The following CABLES2 variants were observed in gnomAD, a reference collection of about 807,000 sequenced individuals.
CABLES2 encodes CDK5 and ABL1 enzyme substrate 2.
A neutral mutation model predicts 44.8 loss-of-function variants in CABLES2; 35 were observed. The observed-to-expected ratio is 0.78, with a 90% confidence interval of 0.60 to 1.04. The LOEUF (loss-of-function observed/expected upper bound fraction) is 1.04, where lower values mean the gene tolerates loss of function less well. Among genes scored for constraint, CABLES2 ranks in the 50% least tolerant of loss-of-function variants. The pLI is 0.00. For missense variants in CABLES2, 566 were observed against 615.7 expected (o/e 0.92, Z 0.85); for synonymous variants, 282 against 281.1 (o/e 1.00, Z -0.03).
rs750044349 is a variant in CABLES2, at chr20:62,392,440, G to C, written c.1040C>G (p.Thr347Ser). ...GACATGGGGGAACTTCTCCCTGAAG[G>C]TCTCGTTCATGTCCTTTTTGAGGTC... ...PSDLKKDMNETFREKFPHVKL... is the reference protein window; with the variant it reads ...PSDLKKDMNESFREKFPHVKL... The change falls in exon 8 of 10, where the codon ACC becomes AGC. Residue 347 changes from threonine to serine, a missense_variant. By Grantham distance (58) the Thr-to-Ser change is moderately conservative (BLOSUM62 1). This residue lies in a region of CABLES2 where 436 missense variants were observed against 536.3 expected (regional missense o/e 0.81). Coordinates refer to ENST00000279101, the MANE Select transcript of CABLES2 (RefSeq NM_031215.3). The C allele has an allele frequency of 6.2e-7, 1 of 1,614,056 alleles. No individual in the cohort carries two copies. The highest frequency in any genetic ancestry group is 1.1e-5 in the South Asian group (1 of 91,084).
intron 1 of CABLES2, chr20:62,403,706 C>T (rs1988230807): frequency 6.6e-6 from 1 of 152,276 alleles, no homozygotes; most frequent in African/African-American, 2.4e-5. Flanking sequence ...AGAGTTCCCA[C>T]TTGCTTTTGG....
Position 62,396,494 on chromosome 20 carries a change from G to C in CABLES2, c.434+27C>G. 1 of 1,613,436 alleles carries C rather than the reference G, an allele frequency of 6.2e-7. No homozygotes were observed. The highest frequency in any genetic ancestry group is 1.3e-5 in the African/African-American group (1 of 75,014). ...CAGTGGCAGCCCGAGCGGAGTCGTAGAGCTCGGGGCGGACGGGGGCGTGTA... is the reference window on the plus strand; with the variant it reads ...CAGTGGCAGCCCGAGCGGAGTCGTACAGCTCGGGGCGGACGGGGGCGTGTA... On this transcript the variant is annotated intron_variant, in intron 2 of 9. Transcript: ENST00000279101. This position sits in a 1 kb window ranked among gnomAD's most constrained non-coding sequence, Gnocchi z 5.7.
chr20:62,401,471 C>T (rs2146428017), intron 1 of CABLES2, among the ~76,000 whole-genome samples: 1 of 152,340 alleles, frequency 6.6e-6, no homozygotes, highest in African/African-American at 2.4e-5. Context: ...TGCTTGGTGC[C>T]TCTGGAGGAT....
Position 62,392,469 on chromosome 20 carries a change from G to T in CABLES2, c.1011C>A (p.Pro337=), listed in dbSNP as rs143762219. The T allele has an allele frequency of 1.2e-6, 2 of 1,614,088 alleles. No individual in the cohort carries two copies. The highest frequency in any genetic ancestry group is 1.7e-6 in the Non-Finnish European group (2 of 1,179,972). Residue 337 remains proline (P), a synonymous_variant, in exon 8 of 10, where the codon CCC becomes CCA. Coordinates refer to ENST00000279101, the MANE Select transcript of CABLES2 (RefSeq NM_031215.3). ...CGTTCATGTCCTTTTTGAGGTCTGAGGGCTTCACGTATTCTATCACTGTGG... is the reference window on the plus strand; with the variant it reads ...CGTTCATGTCCTTTTTGAGGTCTGATGGCTTCACGTATTCTATCACTGTGG... ...YMTTVIEYVK[P]SDLKKDMNET...
At chr20:62,403,303 T>C (rs1988222877) in intron 1 of CABLES2, 1 of 152,218 alleles carries the variant, frequency 6.6e-6, no homozygotes, top group Admixed American at 6.5e-5. Flanking sequence ...TTAGTTGAAC[T>C]GTGTCGCCCC....
chr20:62,388,791 T>G lies in CABLES2; in HGVS notation c.*2180A>C. Reference sequence around the variant, plus strand: ...AAGCAACGCCAGGCCTGGTTCTGTATAGTCACAGCCGAGCTGAACACCTTA... The same window carrying G: ...AAGCAACGCCAGGCCTGGTTCTGTAGAGTCACAGCCGAGCTGAACACCTTA... On this transcript the variant is annotated 3_prime_UTR_variant, in exon 10 of 10. Coordinates refer to ENST00000279101, the MANE Select transcript of CABLES2 (RefSeq NM_031215.3). The G allele has an allele frequency of 2.4e-6, 1 of 415,712 alleles. No individual in the cohort carries two copies. 25.8% of individuals were successfully genotyped at this position (415,712 alleles called of 1,614,324 possible).
Position 62,396,360 on chromosome 20 carries a change from G to T in CABLES2, c.482C>A (p.Thr161Asn), listed in dbSNP as rs771723662. 1 of 1,613,898 alleles carries T rather than the reference G, an allele frequency of 6.2e-7. No individual in the cohort carries two copies. Among genetic ancestry groups the T allele is most frequent in the East Asian group, 2.2e-5 (1 of 44,852 alleles). The change falls in exon 3 of 10, where the codon ACC (threonine) becomes AAC (asparagine). Residue 161 changes from threonine to asparagine, a missense_variant. Around this residue, in one of 2 missense-constraint regions of CABLES2, gnomAD observed 436 missense variants for 536.3 expected, o/e 0.81. Coordinates refer to ENST00000279101, the MANE Select transcript of CABLES2 (RefSeq NM_031215.3). The surrounding 1 kb of genome is among the most constrained non-coding windows in gnomAD (Gnocchi z 5.7). Reference sequence around the variant, plus strand: ...CTGCCTCATGTTCTTGATGAAGTGGGTCTTCTTCAGGCCTTTATGTCTCGG... The same window carrying T: ...CTGCCTCATGTTCTTGATGAAGTGGTTCTTCTTCAGGCCTTTATGTCTCGG... ...GSPRHKGLKK[T>N]HFIKNMRQYD...
At chr20:62,398,196 A>ATGGTGGTGGTGG (rs796150959) in intron 1 of CABLES2, among the ~76,000 whole-genome samples, 1 of 68,320 alleles carries the variant, frequency 1.5e-5, no homozygotes, top group Admixed American at 1.5e-4. Context: ...GATGGTGATG[A>ATGGTGGTGGTGG]TGGTGGTGAT....
At chr20:62,394,075 CGTG>C (rs2146419747) in intron 5 of CABLES2, 79 bp downstream of exon 5, 1 of 1,039,988 alleles carries the variant, frequency 9.6e-7, no homozygotes, top group East Asian at 2.4e-5. Flanking sequence ...ACGTGTGCCT[CGTG>C]GGCACTGACG....
intron 1 of CABLES2, among the ~76,000 whole-genome samples, chr20:62,401,308 T>G (rs2146427911): frequency 6.6e-6 from 1 of 152,368 alleles, no homozygotes; most frequent in East Asian, 1.9e-4. Flanking sequence ...CCTTCCCCTC[T>G]GCCTCCACGG....
At chr20:62,395,277 A>G (rs1987996985) in intron 3 of CABLES2, among the ~76,000 whole-genome samples, 2 of 151,390 alleles carry the variant, frequency 1.3e-5, no homozygotes, top group African/African-American at 4.9e-5. Flanking sequence ...GCACGTGGGC[A>G]GGCACAGCAG....
intron 1 of CABLES2, chr20:62,402,203 G>A (rs74562317): frequency 0.085 from 12,954 of 152,306 alleles, 637 homozygotes; most frequent in South Asian, 0.23. Context: ...GGGCCACCAA[G>A]CCTCCATCCA....
chr20:62,398,817 G>T (rs533250200), intron 1 of CABLES2, among the ~76,000 whole-genome samples: 1 of 152,238 alleles, frequency 6.6e-6, no homozygotes, highest in Non-Finnish European at 1.5e-5. Flanking sequence ...ACCAACACTC[G>T]ACGGCTCACA....
Position 62,388,675 on chromosome 20 carries a change from A to G in CABLES2, c.*2296T>C, listed in dbSNP as rs1601469192. 6.7e-6 allele frequency: 4 copies of G among 598,180 alleles called. No individual in the cohort carries two copies. The Admixed American group carries it at 1.3e-4, about 19-fold the overall frequency. 37.1% of individuals were successfully genotyped at this position (598,180 alleles called of 1,614,324 possible). ...TAAAGGACAAATACATTATCCATTT[A>G]AAAACAGATATCTAAGACAAAATAA... On this transcript the variant is annotated 3_prime_UTR_variant, in exon 10 of 10. Coordinates refer to ENST00000279101, the MANE Select transcript of CABLES2 (RefSeq NM_031215.3).
chr20:62,394,529 G>T (rs1317354736), intron 4 of CABLES2, among the ~76,000 whole-genome samples: 1 of 152,178 alleles, frequency 6.6e-6, no homozygotes, highest in East Asian at 1.9e-4. Flanking sequence ...TAGCCCACTA[G>T]GTACATGTGC....
chr20:62,390,633 G>A lies in CABLES2; in HGVS notation c.*338C>T. The A allele has an allele frequency of 3.3e-6, 1 of 299,780 alleles. No individual in the cohort carries two copies. The highest frequency in any genetic ancestry group is 4.9e-5 in the South Asian group (1 of 20,470). 18.6% of individuals were successfully genotyped at this position (299,780 alleles called of 1,614,324 possible). A position where few individuals can be genotyped will look rare whatever the true frequency, so the allele number is the denominator to read the frequency against. ...GGCCAGGGGAGACACACTGCAGCCG[G>A]CTCGCTGCTGCACGCTGTGAACAAA... On this transcript the variant is annotated 3_prime_UTR_variant, in exon 10 of 10. Transcript: ENST00000279101.
rs1987879007 is a variant in CABLES2 at position 62,389,857 on chromosome 20, C to T, written c.*1114G>A. On this transcript the variant is annotated 3_prime_UTR_variant, in exon 10 of 10. Coordinates refer to ENST00000279101, the MANE Select transcript of CABLES2 (RefSeq NM_031215.3). The stretch of plus-strand genomic sequence containing the variant: ...CCTGCACAGAAGGGACAACGACCAC[C>T]ATTTGGGGTCCTTTTAGCATGGTGG... 6.6e-6 allele frequency: 1 copy of T among 152,226 alleles called. No homozygotes were observed. The highest frequency in any genetic ancestry group is 6.5e-5 in the Admixed American group (1 of 15,284). 9.4% of individuals were successfully genotyped at this position (152,226 alleles called of 1,614,324 possible).
At chr20:62,405,743 C>T (rs1171239251) in intron 1 of CABLES2, 4 of 152,276 alleles carry the variant, frequency 2.6e-5, no homozygotes, top group African/African-American at 9.6e-5. Context: ...CCCAAGAGCT[C>T]TGTGTCGGCC....
At position 62,396,662 on chromosome 20, in the gene CABLES2, G is replaced by C; in HGVS notation, c.363-70C>G. 6.7e-7 allele frequency: 1 copy of C among 1,492,234 alleles called. No homozygotes were observed. The highest frequency in any genetic ancestry group is 1.4e-5 in the African/African-American group (1 of 72,318). The allele number at this position is 1,492,234 out of a possible 1,614,324, so 92.4% of individuals were successfully genotyped here. On this transcript the variant is annotated intron_variant, in intron 1 of 9. Coordinates refer to ENST00000279101, the MANE Select transcript of CABLES2 (RefSeq NM_031215.3). This position sits in a 1 kb window ranked among gnomAD's most constrained non-coding sequence, Gnocchi z 5.7. ...TGCCGCCTTTGTGGCCAGAAACCGAGTGCCGCCCGCTGTGCAGGGAAGGGC... is the reference window on the plus strand; with the variant it reads ...TGCCGCCTTTGTGGCCAGAAACCGACTGCCGCCCGCTGTGCAGGGAAGGGC...
Sources: allele counts gnomAD v4.1 joint callset (sites outside exome capture counted in the v4.1 genomes callset), GRCh38; gene constraint gnomAD v4.1.1; regional missense constraint gnomAD v4.1.1; non-coding constraint Gnocchi (gnomAD v3.1); transcripts MANE v1.5; gene names NCBI Gene and HGNC (gene_info 2026-07-23, HGNC 2026-07-21).